OGFR: variants seen among roughly 807,000 people sequenced by gnomAD.
The protein encoded by OGFR is opioid growth factor receptor, also known as protein 7-60.
OGFR carries 18 observed loss-of-function variants against 33.6 expected under a neutral mutation model. The observed-to-expected ratio is 0.54, with a 90% CI of 0.37 to 0.80. The LOEUF (loss-of-function observed/expected upper bound fraction) is 0.80, where lower values mean the gene tolerates loss of function less well. Ranked by LOEUF, OGFR falls within the 30% of genes least tolerant of loss-of-function variation. The probability of loss-of-function intolerance (pLI) is 0.00; values close to 1 mark genes in which losing one functional copy is unlikely to be tolerated. For synonymous variants in OGFR, 370 were observed against 400.7 expected, an observed-to-expected ratio of 0.92 and a Z score of 0.91; for missense variants, 877 against 955.8, an observed-to-expected ratio of 0.92 and a Z score of 1.09.
intron 3 of OGFR, 135 bp from the exon 4 acceptor site, chr20:62,809,450 C>T (rs938156486): frequency 1.3e-5 from 9 of 684,346 alleles, no homozygotes; most frequent in Middle Eastern, 3.1e-4. Context: ...TGAAGAGCCT[C>T]AGGAGATGAG....
rs1990730390 is a variant in OGFR, at chr20:62,811,630, G to GCCCACC, written c.614+29_614+34dup. The GCCCACC allele has an allele frequency of 8.3e-7, 1 of 1,200,610 alleles. No homozygotes were observed. Among genetic ancestry groups the GCCCACC allele is most frequent in the Admixed American group, 2.3e-5 (1 of 43,396 alleles). 74.4% of individuals were successfully genotyped at this position (1,200,610 alleles called of 1,614,324 possible). A position where few individuals can be genotyped will look rare whatever the true frequency, so the allele number is the denominator to read the frequency against. On this transcript the variant is annotated intron_variant, in intron 6 of 6. Transcript: ENST00000290291. Reference sequence around the variant, plus strand: ...GAACTGGTGAGGCCCGGCTGCTCCCGCCCACCCCCACCCCGGCGCAGAACA... The same window carrying GCCCACC: ...GAACTGGTGAGGCCCGGCTGCTCCCGCCCACCCCCACCCCCACCCCGGCGCAGAACA...
At position 62,812,648 on chromosome 20, in the gene OGFR, C is replaced by T. The variant is rs1325631474; in HGVS notation, c.1033C>T (p.Pro345Ser). ...SKGGGRVDEG[P>S]QPRSVEPQDA... ...GGGTGGGGGCAGGGTGGACGAGGGG[C>T]CCCAGCCACGGAGCGTGGAGCCCCA... Residue 345 changes from proline (P) to serine (S), a missense_variant, in exon 7 of 7, where the codon CCC becomes TCC. By Grantham distance (74) the Pro-to-Ser change is moderately conservative. Transcript: ENST00000290291. 29 of 1,561,682 alleles carry T rather than the reference C, an allele frequency of 1.9e-5. No homozygotes were observed. Among genetic ancestry groups the T allele is most frequent in the Non-Finnish European group, 2.3e-5 (26 of 1,153,890 alleles).
chr20:62,813,739 T>A lies in OGFR; in HGVS notation c.*90T>A. 1 of 1,477,500 alleles carries A rather than the reference T, an allele frequency of 6.8e-7. No individual in the cohort carries two copies. Among genetic ancestry groups the A allele is most frequent in the Non-Finnish European group, 9.4e-7 (1 of 1,063,140 alleles). 91.5% of individuals were successfully genotyped at this position (1,477,500 alleles called of 1,614,324 possible). On this transcript the variant is annotated 3_prime_UTR_variant, in exon 7 of 7. Transcript: ENST00000290291. ...GCTGCTGCGGGCTCCCCTCAGGCTC[T>A]GCTTCGTGACCCGTGACCCATGACC...
At chr20:62,807,092 C>A in intron 1 of OGFR, 1 of 178,414 alleles carries the variant, frequency 5.6e-6, no homozygotes, top group Admixed American at 5.5e-5. Flanking sequence ...AGAACACAGC[C>A]TGGTGACTTT....
chr20:62,811,267 G>A (rs1255591674), intron 5 of OGFR, among the ~76,000 whole-genome samples, 195 bp from the exon 6 acceptor site: 2 of 152,202 alleles, frequency 1.3e-5, no homozygotes, highest in East Asian at 3.9e-4. Flanking sequence ...GGGAGGCAGA[G>A]GTTGCAGTGA....
rs1487924537 is a variant in OGFR at position 62,812,239 on chromosome 20, C to T, written c.624C>T (p.His208=). 3 of 1,506,250 alleles carry T rather than the reference C, an allele frequency of 2.0e-6. No homozygotes were observed. The highest frequency in any genetic ancestry group is 2.7e-6 in the Non-Finnish European group (3 of 1,124,290). 93.3% of individuals were successfully genotyped at this position (1,506,250 alleles called of 1,614,324 possible). A position where few individuals can be genotyped will look rare whatever the true frequency, so the allele number is the denominator to read the frequency against. ...CCCGGATCTCTCGCAGGCGCAGCCA[C>T]AACAACCTCCGCATCACACGCATCC... The part of the protein sequence containing the change: ...KRFQNLNWRS[H]NNLRITRILK... The change falls in exon 7 of 7, where the codon CAC becomes CAT. Residue 208 remains histidine (H), a synonymous_variant. Coordinates refer to ENST00000290291, the MANE Select transcript of OGFR (RefSeq NM_007346.4).
intron 2 of OGFR, 81 bp from the exon 3 acceptor site, chr20:62,808,166 C>T (rs760788733): frequency 8.3e-6 from 9 of 1,080,478 alleles, no homozygotes; most frequent in South Asian, 2.5e-5. Flanking sequence ...TTTGCAGATG[C>T]GCCTCCCCGA....
In OGFR at chr20:62,809,732, G is replaced by A. The variant is rs1053821584; in HGVS notation, c.398+69G>A. 7 of 1,268,044 alleles carry A rather than the reference G, an allele frequency of 5.5e-6. No homozygotes were observed. The African/African-American group carries it at 1.0e-4, about 19-fold the overall frequency. The allele number at this position is 1,268,044 out of a possible 1,614,324, so 78.5% of individuals were successfully genotyped here. On this transcript the variant is annotated intron_variant, in intron 4 of 6. Coordinates refer to ENST00000290291, the MANE Select transcript of OGFR (RefSeq NM_007346.4). ...AGGGGGAGGGCCCTCCCAGGCAGGA[G>A]CCCTCCCGACGCTGCTTCCTGGCAC...
intron 4 of OGFR, among the ~76,000 whole-genome samples, chr20:62,809,911 C>T (rs1568738678): frequency 6.6e-6 from 1 of 152,258 alleles, no homozygotes; most frequent in Admixed American, 6.5e-5. Flanking sequence ...TGCACACAAG[C>T]TCCCTGAAAC....
In OGFR at chr20:62,808,183, C is replaced by T. The variant is rs374115625; in HGVS notation, c.241-64C>T. 56 of 1,294,262 alleles carry T rather than the reference C, an allele frequency of 4.3e-5. No individual in the cohort carries two copies. The Middle Eastern group carries it at 5.5e-4, about 13-fold the overall frequency. 80.2% of individuals were successfully genotyped at this position (1,294,262 alleles called of 1,614,324 possible). Reference sequence around the variant, plus strand: ...TGCAGATGCGCCTCCCCGAAAGACACGGAGGGCCCCAGGGCAGCTTGTGTC... The same window carrying T: ...TGCAGATGCGCCTCCCCGAAAGACATGGAGGGCCCCAGGGCAGCTTGTGTC... On this transcript the variant is annotated intron_variant, in intron 2 of 6. Coordinates refer to ENST00000290291, the MANE Select transcript of OGFR (RefSeq NM_007346.4).
In OGFR at chr20:62,812,535, C is replaced by T. The variant is rs2147186615; in HGVS notation, c.920C>T (p.Ser307Phe). 3 of 1,585,838 alleles carry T rather than the reference C, an allele frequency of 1.9e-6. No individual in the cohort carries two copies. The highest frequency in any genetic ancestry group is 2.6e-6 in the Non-Finnish European group (3 of 1,166,608). The change falls in exon 7 of 7, where the codon TCC becomes TTC. Residue 307 changes from serine (S) to phenylalanine (F), a missense_variant. Coordinates refer to ENST00000290291, the MANE Select transcript of OGFR (RefSeq NM_007346.4). Reference sequence around the variant, plus strand: ...TCTCTGCCCCATCCGCTCGAGGGCTCCAGGAAGGTGGAGGAGGAAGGAAGC... The same window carrying T: ...TCTCTGCCCCATCCGCTCGAGGGCTTCAGGAAGGTGGAGGAGGAAGGAAGC... ...PSSLPHPLEG[S>F]RKVEEEGSPG...
intron 6 of OGFR, 26 bp from the exon 7 acceptor site, chr20:62,812,204 C>A (rs1158499899): frequency 1.4e-6 from 2 of 1,455,962 alleles, no homozygotes; most frequent in East Asian, 5.2e-5. Context: ...CAGCCATTGA[C>A]CTCTCCTGAC....
intron 5 of OGFR, 149 bp from the exon 6 acceptor site, chr20:62,811,313 C>A: frequency 1.1e-6 from 1 of 894,562 alleles, no homozygotes; most frequent in Non-Finnish European, 1.7e-6. Context: ...GCCTGGGCAA[C>A]AGAGCAAGAC....
chr20:62,808,973 T>TA (rs1990660852), intron 3 of OGFR, among the ~76,000 whole-genome samples: 4 of 30,634 alleles, frequency 1.3e-4, no homozygotes, highest in Admixed American at 9.6e-4. Context: ...AGACTCTGTC[T>TA]CAAAAAAAAA....
At chr20:62,807,989 G>A (rs1306343790) in intron 2 of OGFR, 1 of 605,676 alleles carries the variant, frequency 1.7e-6, no homozygotes, top group Admixed American at 2.9e-5. Flanking sequence ...GGAAACCCCT[G>A]TGCTGCCTTC....
At position 62,812,804 on chromosome 20, in the gene OGFR, A is replaced by C. The variant is rs759348516; in HGVS notation, c.1189A>C (p.Thr397Pro). ...GCTGAGCCGGCGGGAGCAGCCGCCC[A>C]CAGAGCCAGGCCCTCAGAGTGCCTC... ...LELSRREQPP[T>P]EPGPQSASEV... The change falls in exon 7 of 7, where the codon ACA (threonine) becomes CCA (proline). Residue 397 changes from threonine (T) to proline (P), a missense_variant. Thr to Pro is a conservative substitution (Grantham distance 38). Transcript: ENST00000290291. 57 of 1,612,510 alleles carry C rather than the reference A, an allele frequency of 3.5e-5. No individual in the cohort carries two copies. The South Asian group carries it at 6.3e-4, about 18-fold the overall frequency.
rs932126347 is a variant in OGFR at position 62,812,413 on chromosome 20, G to A, written c.798G>A (p.Gln266=). The change falls in exon 7 of 7, where the codon CAG becomes CAA. Residue 266 remains glutamine (Q), a synonymous_variant. Transcript: ENST00000290291. The stretch of plus-strand genomic sequence containing the variant: ...TGTTCGCCGTGCGCTGCCGACACCA[G>A]CGCCGCCAGCTGGTGCACTTCGCCT... The part of the protein sequence containing the change: ...YFMFAVRCRH[Q]RRQLVHFAWE... The A allele has an allele frequency of 1.3e-6, 2 of 1,581,030 alleles. No individual in the cohort carries two copies. Among genetic ancestry groups the A allele is most frequent in the Admixed American group, 1.8e-5 (1 of 55,756 alleles).
At position 62,813,149 on chromosome 20, in the gene OGFR, G is replaced by A. The variant is rs1478019676; in HGVS notation, c.1534G>A (p.Glu512Lys). Residue 512 changes from glutamate (E) to lysine (K), a missense_variant, in exon 7 of 7, where the codon GAA (glutamate) becomes AAA (lysine). By Grantham distance (56) the Glu-to-Lys change is moderately conservative. Coordinates refer to ENST00000290291, the MANE Select transcript of OGFR (RefSeq NM_007346.4). The part of the protein sequence containing the change: ...EDTEGRTGPK[E>K]GTPGSPSETP... The stretch of plus-strand genomic sequence containing the variant: ...CACAGAAGGTCGAACGGGGCCCAAA[G>A]AAGGTACCCCTGGGAGCCCATCGGA... 6.3e-7 allele frequency: 1 copy of A among 1,585,130 alleles called. No homozygotes were observed. Among genetic ancestry groups the A allele is most frequent in the South Asian group, 1.1e-5 (1 of 87,540 alleles).
Position 62,811,338 on chromosome 20 carries a change from A to C in OGFR, c.466-124A>C. On this transcript the variant is annotated intron_variant, in intron 5 of 6. Coordinates refer to ENST00000290291, the MANE Select transcript of OGFR (RefSeq NM_007346.4). ...CAGAGCAAGACTCTGTCTCTAAATAAATGTCTGTCTGTCTGTCTGTCTAGT... is the reference window on the plus strand; with the variant it reads ...CAGAGCAAGACTCTGTCTCTAAATACATGTCTGTCTGTCTGTCTGTCTAGT... 7 of 1,076,526 alleles carry C rather than the reference A, an allele frequency of 6.5e-6. No homozygotes were observed. The East Asian group carries it at 1.8e-4, about 28-fold the overall frequency. The allele number at this position is 1,076,526 out of a possible 1,614,324, so 66.7% of individuals were successfully genotyped here. A position where few individuals can be genotyped will look rare whatever the true frequency, so the allele number is the denominator to read the frequency against.
Sources: allele counts gnomAD v4.1 joint callset (sites outside exome capture counted in the v4.1 genomes callset), GRCh38; gene constraint gnomAD v4.1.1; transcripts MANE v1.5; gene names NCBI Gene and HGNC (gene_info 2026-07-23, HGNC 2026-07-21).